RBFOX1: variants seen among roughly 807,000 people sequenced by gnomAD.
The protein encoded by RBFOX1 is RNA binding protein fox-1 homolog 1.
Under a neutral mutation model 57.7 loss-of-function variants are expected in RBFOX1, and 8 were observed. The observed-to-expected ratio is 0.14, with a 90% confidence interval of 0.08 to 0.25. RBFOX1 has a LOEUF of 0.25. RBFOX1 is among the 10% of genes least tolerant of loss of function. The pLI, the probability that RBFOX1 is intolerant of heterozygous loss-of-function variation, is 1.00. For synonymous variants in RBFOX1, 326 were observed against 222.4 expected (o/e 1.47, Z -4.15); for missense variants, 611 against 548.5 (o/e 1.11, Z -1.14).
chr16:7,277,164 T>A (rs2095456398), intron 4 of RBFOX1, among the ~76,000 whole-genome samples: 1 of 152,216 alleles, frequency 6.6e-6, no homozygotes, highest in Non-Finnish European at 1.5e-5. Context: ...TTGGATTTCT[T>A]AAGAAATGCA....
intron 2 of RBFOX1, among the ~76,000 whole-genome samples, chr16:6,367,364 G>A (rs1301489449): frequency 2.0e-5 from 3 of 151,994 alleles, no homozygotes; most frequent in East Asian, 1.9e-4. Context: ...TCTGCCTCCC[G>A]GGTTCAGGTG....
intron 10 of RBFOX1, among the ~76,000 whole-genome samples, chr16:7,623,667 C>A (rs560465825): frequency 6.6e-6 from 1 of 152,138 alleles, no homozygotes; most frequent in Non-Finnish European, 1.5e-5. Flanking sequence ...CAGTAGGGTC[C>A]GTGGCCCAGG....
Position 6,869,789 on chromosome 16 carries a change from C to T in RBFOX1, c.-15-182268C>T, listed in dbSNP as rs151260812. Among the ~76,000 whole-genome samples the T allele has an allele frequency of 3.6e-3, 553 of 152,220 alleles. 4 individuals carry two copies. Among genetic ancestry groups the T allele is most frequent in the Non-Finnish European group, 3.5e-3 (236 of 68,020 alleles). ...ACAGCATCAGCTTGATGTGGAATTT[C>T]CAATTACTTAATTCTGGTTGGTTTT... is the stretch of plus-strand genomic sequence containing the variant. On this transcript the variant is annotated intron_variant, in intron 3 of 15. Transcript: ENST00000550418.
intron 3 of RBFOX1, among the ~76,000 whole-genome samples, chr16:7,034,061 G>A (rs1463827889): frequency 6.6e-6 from 1 of 152,198 alleles, no homozygotes; most frequent in African/African-American, 2.4e-5. Context: ...AGGTATGGCA[G>A]GGGATGGGGA....
chr16:5,960,381 C>G (rs903405259), intron 4 of RBFOX1, among the ~76,000 whole-genome samples: 1 of 152,108 alleles, frequency 6.6e-6, no homozygotes, highest in African/African-American at 2.4e-5. Flanking sequence ...TGACCCAAAC[C>G]TATTAGATTT....
chr16:6,618,964 G>C (rs1169380344), intron 2 of RBFOX1, among the ~76,000 whole-genome samples: 1 of 152,134 alleles, frequency 6.6e-6, no homozygotes, highest in Non-Finnish European at 1.5e-5. Flanking sequence ...AATGCAAAAG[G>C]GTTATTTATA....
At chr16:5,628,267 C>T (rs1182742244) in intron 3 of RBFOX1, among the ~76,000 whole-genome samples, 1 of 152,212 alleles carries the variant, frequency 6.6e-6, no homozygotes, top group Non-Finnish European at 1.5e-5. Context: ...GAAGTCTCTT[C>T]TACCATGCAA....
chr16:6,346,457 A>G (rs2085383163), intron 2 of RBFOX1, among the ~76,000 whole-genome samples: 1 of 152,026 alleles, frequency 6.6e-6, no homozygotes, highest in African/African-American at 2.4e-5. Flanking sequence ...TCAGCTTCAG[A>G]TAATCCCAGG....
chr16:6,814,222 A>G (rs114311299), intron 3 of RBFOX1, among the ~76,000 whole-genome samples: 1,687 of 144,922 alleles, frequency 0.012, 38 homozygotes, highest in African/African-American at 0.04. Flanking sequence ...TTCTTCTTTC[A>G]TGTAATAACA....
At chr16:7,691,451 G>A (rs1335808545) in intron 14 of RBFOX1, among the ~76,000 whole-genome samples, 1 of 151,562 alleles carries the variant, frequency 6.6e-6, no homozygotes, top group Non-Finnish European at 1.5e-5. Context: ...AAGGAAAGGA[G>A]AAAAGGAAGG....
At chr16:6,400,915 T>C (rs529319633) in intron 2 of RBFOX1, among the ~76,000 whole-genome samples, 34 of 152,168 alleles carry the variant, frequency 2.2e-4, no homozygotes, top group Non-Finnish European at 3.4e-4. Context: ...TCAGCATTGA[T>C]AGTACCTGAT....
chr16:6,775,132 T>C (rs968754314), intron 3 of RBFOX1, among the ~76,000 whole-genome samples: 3 of 146,560 alleles, frequency 2.0e-5, no homozygotes, highest in African/African-American at 7.7e-5. Context: ...CAGACCATCC[T>C]GGCGAACATG....
At chr16:6,089,321 T>C (rs1003740752) in intron 1 of RBFOX1, among the ~76,000 whole-genome samples, 1 of 152,032 alleles carries the variant, frequency 6.6e-6, no homozygotes, top group Non-Finnish European at 1.5e-5. Flanking sequence ...TAGATGAACA[T>C]GCATTAGGAG....
intron 4 of RBFOX1, among the ~76,000 whole-genome samples, chr16:7,189,651 C>T (rs924403734): frequency 6.6e-6 from 1 of 151,330 alleles, no homozygotes; most frequent in African/African-American, 2.4e-5. Flanking sequence ...TCTCATTTTC[C>T]CTTCATTTGT....
chr16:5,651,040 C>CTTTTTTTTTTTTTTTTTTTTTTT (rs869240597), intron 3 of RBFOX1, among the ~76,000 whole-genome samples: 1 of 56,854 alleles, frequency 1.8e-5, no homozygotes, highest in Non-Finnish European at 3.0e-5. Flanking sequence ...CTACCTCCTT[C>CTTTTTTTTTTTTTTTTTTTTTTT]TTTTTTTTTT....
rs112769718 is a variant in RBFOX1 at position 6,113,453 on chromosome 16, G to T, written c.-127+93461G>T. Reference sequence around the variant, plus strand: ...AGCGACATAAAAGGAAATTTTTCTGGGTGATGAAAAGTGCAAGATTTTGTG... The same window carrying T: ...AGCGACATAAAAGGAAATTTTTCTGTGTGATGAAAAGTGCAAGATTTTGTG... On this transcript the variant is annotated intron_variant, in intron 1 of 15. Coordinates refer to ENST00000550418, the MANE Select transcript of RBFOX1 (RefSeq NM_018723.4). 8.5e-3 allele frequency among the ~76,000 whole-genome samples: 1,295 copies of T among 152,274 alleles called. 20 individuals are homozygous for T. Among genetic ancestry groups the T allele is most frequent in the African/African-American group, 0.03 (1,241 of 41,544 alleles).
intron 1 of RBFOX1, among the ~76,000 whole-genome samples, chr16:5,384,370 A>G (rs1382011010): frequency 6.6e-6 from 1 of 152,216 alleles, no homozygotes; most frequent in African/African-American, 2.4e-5. Flanking sequence ...ATGTCAGTCA[A>G]TAGAGGTTCT....
At chr16:6,984,739 C>G (rs1354533926) in intron 3 of RBFOX1, among the ~76,000 whole-genome samples, 3 of 152,116 alleles carry the variant, frequency 2.0e-5, no homozygotes, top group South Asian at 2.1e-4. Flanking sequence ...CTCCCAGGTT[C>G]ATGAAATTCT....
chr16:7,062,093 T>G (rs1477978618), intron 4 of RBFOX1, among the ~76,000 whole-genome samples: 1 of 151,948 alleles, frequency 6.6e-6, no homozygotes, highest in East Asian at 1.9e-4. Context: ...TGAGGTGGGC[T>G]GATCAGCAGG....
Sources: gnomAD v4.1 joint callset for allele counts (sites outside exome capture counted in the v4.1 genomes callset) on GRCh38, gnomAD v4.1.1 for gene constraint, MANE v1.5 for transcripts, NCBI Gene and HGNC (gene_info 2026-07-23, HGNC 2026-07-21) for gene names.